Variants in IL4I1 observed in about 807,000 individuals in gnomAD.
The protein encoded by IL4I1 is L-amino-acid oxidase.
In IL4I1, 24 loss-of-function variants were observed where a neutral mutation model predicts 29.7. The observed-to-expected ratio is 0.81, with a 90% confidence interval of 0.59 to 1.14. IL4I1 has a LOEUF of 1.14. Among genes scored for constraint, IL4I1 ranks in the 50% most tolerant of loss-of-function variants. IL4I1 has a pLI of 0.00. For missense variants in IL4I1, 686 were observed against 785.6 expected (o/e 0.87, Z 1.52); for synonymous variants, 371 against 352.5 (o/e 1.05, Z -0.59).
Position 49,889,853 on chromosome 19 carries a change from C to T in IL4I1, c.1521G>A (p.Arg507=). ...ALRAAIKINS[R]KGPASDTASP... ...TGGCCGTGTCCGATGCAGGCCCCTT[C>T]CGGCTGTTGATCTTGATGGCGGCGC... Residue 507 remains arginine, a synonymous_variant, in exon 8 of 8, where the codon CGG becomes CGA. Transcript: ENST00000391826. 6.3e-7 allele frequency: 1 copy of T among 1,592,190 alleles called. No homozygotes were observed. The highest frequency in any genetic ancestry group is 1.1e-5 in the South Asian group (1 of 88,818).
chr19:49,924,561 C>T (rs994735166), intron 2 of IL4I1, among the ~76,000 whole-genome samples: 1 of 152,202 alleles, frequency 6.6e-6, no homozygotes, highest in African/African-American at 2.4e-5. Flanking sequence ...AGTAGCCCCA[C>T]CCTTGCTTCA....
upstream of IL4I1, among the ~76,000 whole-genome samples, chr19:49,900,829 G>A (rs569867700): frequency 1.3e-5 from 2 of 152,298 alleles, no homozygotes; most frequent in South Asian, 4.1e-4. Context: ...AATCCTCCCA[G>A]ATAATGGTCT....
rs746923494 is a variant in IL4I1 at position 49,890,338 on chromosome 19, T to C, written c.1036A>G (p.Arg346Gly). ...TTGGTGGCCGGCACGTAGTGCAGCCTCCGCAGCGCCTCCTGCATGTGGCGG... is the reference window on the plus strand; with the variant it reads ...TTGGTGGCCGGCACGTAGTGCAGCCCCCGCAGCGCCTCCTGCATGTGGCGG... ...LPRHMQEALRRLHYVPATKVF... is the reference protein window; with the variant it reads ...LPRHMQEALRGLHYVPATKVF... The change falls in exon 8 of 8, where the codon AGG becomes GGG. Residue 346 changes from arginine (R) to glycine (G), a missense_variant. Arg to Gly is a moderately radical substitution (Grantham distance 125). Coordinates refer to ENST00000391826, the MANE Select transcript of IL4I1 (RefSeq NM_152899.2). The C allele has an allele frequency of 6.2e-7, 1 of 1,607,398 alleles. No homozygotes were observed. Among genetic ancestry groups the C allele is most frequent in the South Asian group, 1.1e-5 (1 of 90,710 alleles).
At chr19:49,916,989 T>C (rs562823640) in intron 2 of IL4I1, among the ~76,000 whole-genome samples, 1 of 152,244 alleles carries the variant, frequency 6.6e-6, no homozygotes, top group Non-Finnish European at 1.5e-5. Context: ...AGCCACCTGG[T>C]GGCACTGCTG....
intron 2 of IL4I1, among the ~76,000 whole-genome samples, chr19:49,913,852 C>T (rs1449862669): frequency 1.3e-5 from 2 of 151,966 alleles, no homozygotes; most frequent in Non-Finnish European, 2.9e-5. Context: ...ACGGTTCGGG[C>T]GTTATATTGA....
chr19:49,909,375 A>G, intron 2 of IL4I1: 8 of 1,613,142 alleles, frequency 5.0e-6, no homozygotes, highest in Non-Finnish European at 6.8e-6. Flanking sequence ...GAGGTGGTGG[A>G]GGGGCCAAAC....
At chr19:49,904,371 CCA>C (rs1205741268) in intron 2 of IL4I1, 1 of 152,122 alleles carries the variant, frequency 6.6e-6, no homozygotes, top group Non-Finnish European at 1.5e-5. Context: ...GCGGTGGCAC[CCA>C]GTCGGTTGCT....
At chr19:49,898,524 T>C (rs146205725), upstream of IL4I1, among the ~76,000 whole-genome samples, 1,487 of 152,188 alleles carry the variant, frequency 9.8e-3, 9 homozygotes, top group Middle Eastern at 0.034. Context: ...TCACCTGCCT[T>C]GGAGGCCGCC....
At position 49,921,594 on chromosome 19, in the gene IL4I1, G is replaced by C. The variant is rs1261703872; in HGVS notation, c.-228+6100C>G. 6.6e-6 allele frequency among the ~76,000 whole-genome samples: 1 copy of C among 152,206 alleles called. No individual in the cohort carries two copies. On this transcript the variant is annotated intron_variant, in intron 2 of 9. Transcript: ENST00000341114. This position sits in a 1 kb window ranked among gnomAD's most constrained non-coding sequence, Gnocchi z 5.4. ...TCTGTGGTAGGTCAGGAAGAAGAGG[G>C]CAAAGGAGTCTGCATCAAACTGGGC...
chr19:49,890,884 CCCAGACCCAGAGGCTCCTCCCACTCCCTG>C, intron 7 of IL4I1, 58 bp downstream of exon 7: 1 of 1,168,700 alleles, frequency 8.6e-7, no homozygotes, highest in Non-Finnish European at 1.2e-6. Context: ...CAGCCCCGCC[CCCAGACCCAGAGGCTCCTCCCACTCCCTG>C]CTACTTTCCC....
At chr19:49,929,479 G>A (rs994547728) in exon 1 of IL4I1, 6 of 152,608 alleles carry the variant, frequency 3.9e-5, no homozygotes, top group African/African-American at 1.4e-4. Context: ...GAGCCCTGGG[G>A]GGTGGGGAGT....
chr19:49,892,039 C>T (rs535742296), intron 5 of IL4I1, among the ~76,000 whole-genome samples: 2 of 151,680 alleles, frequency 1.3e-5, no homozygotes, highest in South Asian at 4.2e-4. Context: ...TCTTGCCCCT[C>T]AGCCTCATGT....
chr19:49,929,265 G>A (rs2076002845), intron 1 of IL4I1: 1 of 153,504 alleles, frequency 6.5e-6, no homozygotes, highest in Non-Finnish European at 1.4e-5. Context: ...TGCCTGCGTA[G>A]CCCCGGCCAT....
intron 1 of IL4I1, 106 bp downstream of exon 1, chr19:49,896,729 C>T (rs935686807): frequency 2.1e-5 from 15 of 710,670 alleles, no homozygotes; most frequent in African/African-American, 1.7e-4. Flanking sequence ...CCCCCGCGCC[C>T]GGCCTCTTTT....
At chr19:49,892,385 C>T (rs1196021917) in intron 5 of IL4I1, among the ~76,000 whole-genome samples, 1 of 152,118 alleles carries the variant, frequency 6.6e-6, no homozygotes, top group African/African-American at 2.4e-5. Flanking sequence ...TGCCAGGTAC[C>T]CGCCTTCTGA....
chr19:49,899,184 C>T (rs184543522), upstream of IL4I1, among the ~76,000 whole-genome samples: 59 of 152,344 alleles, frequency 3.9e-4, no homozygotes, highest in Middle Eastern at 6.8e-3. Flanking sequence ...GTCCTACAGC[C>T]GCATAACAGT....
intron 2 of IL4I1, 44 bp downstream of exon 2, chr19:49,896,104 G>A (rs1260061213): frequency 1.3e-6 from 2 of 1,582,340 alleles, no homozygotes; most frequent in African/African-American, 2.8e-5. Flanking sequence ...CGGGGGAGAG[G>A]GGTTCTACTC....
At chr19:49,915,598 T>C (rs2075602716) in intron 2 of IL4I1, among the ~76,000 whole-genome samples, 2 of 152,092 alleles carry the variant, frequency 1.3e-5, no homozygotes, top group African/African-American at 4.8e-5. Context: ...TAGAAACCAA[T>C]GGCGGTAGGT....
chr19:49,909,929 G>T, intron 2 of IL4I1: 1 of 1,067,352 alleles, frequency 9.4e-7, no homozygotes, highest in Non-Finnish European at 1.4e-6. Flanking sequence ...TTTTGGAAAG[G>T]CAAGCTCAGT....
Sources: gnomAD v4.1 joint callset for allele counts (sites outside exome capture counted in the v4.1 genomes callset) on GRCh38, gnomAD v4.1.1 for gene constraint, Gnocchi (gnomAD v3.1) non-coding constraint, MANE v1.5 for transcripts, NCBI Gene and HGNC (gene_info 2026-07-23, HGNC 2026-07-21) for gene names.